The following DRG2 variants were observed in gnomAD, a reference collection of about 807,000 sequenced individuals.
DRG2 encodes the protein developmentally-regulated GTP-binding protein 2.
Under a neutral mutation model 53.4 loss-of-function variants are expected in DRG2, and 36 were observed. That is an observed-to-expected ratio of 0.67 (90% confidence interval 0.52 to 0.89). The LOEUF (loss-of-function observed/expected upper bound fraction) is 0.89. Ranked by LOEUF, DRG2 falls within the 40% of genes least tolerant of loss-of-function variation. The pLI is 0.00. For synonymous variants in DRG2, 167 were observed against 192.1 expected (o/e 0.87, Z 1.08); for missense variants, 342 against 481.2 (o/e 0.71, Z 2.71).
chr17:18,100,313 A>T lies in DRG2; in HGVS notation c.468-50A>T, dbSNP rs757271809. ...ATCCTGCGTAACAGGGAAGCTGTGC[A>T]TCTGGCTCTGTGGACAGCCTGTGAG... On this transcript the variant is annotated intron_variant, in intron 5 of 12. Coordinates refer to ENST00000225729, the MANE Select transcript of DRG2 (RefSeq NM_001388.5). This position sits in a 1 kb window ranked among gnomAD's most constrained non-coding sequence, Gnocchi z 4.1. 2 of 1,591,466 alleles carry T rather than the reference A, an allele frequency of 1.3e-6. No homozygotes were observed. The highest frequency in any genetic ancestry group is 1.7e-6 in the Non-Finnish European group (2 of 1,159,948).
intron 1 of DRG2, among the ~76,000 whole-genome samples, chr17:18,092,620 T>A (rs1488891916): frequency 2.0e-5 from 3 of 152,022 alleles, no homozygotes; most frequent in African/African-American, 7.2e-5. Context: ...ATCAGTAATA[T>A]AACTTGAATT....
chr17:18,103,326 A>G lies in DRG2; in HGVS notation c.807-475A>G, dbSNP rs1467554312. On this transcript the variant is annotated intron_variant, in intron 9 of 12. Transcript: ENST00000225729. The surrounding 1 kb of genome is among the most constrained non-coding windows in gnomAD (Gnocchi z 4.4). ...TAATCCCTCTGCAGTCCTGCGAGGT[A>G]GGGACTGGGTTCATGCCTGTTCTAC... 2.6e-5 allele frequency among the ~76,000 whole-genome samples: 4 copies of G among 152,086 alleles called. No individual in the cohort carries two copies. The highest frequency in any genetic ancestry group is 9.7e-5 in the African/African-American group (4 of 41,432).
chr17:18,094,714 C>T (rs1267399712), intron 2 of DRG2, among the ~76,000 whole-genome samples: 1 of 152,034 alleles, frequency 6.6e-6, no homozygotes, highest in Non-Finnish European at 1.5e-5. Flanking sequence ...GTGGCTCACA[C>T]CTGTAAACCC....
chr17:18,090,406 A>ATATTTTTTT (rs1555532983), intron 1 of DRG2, among the ~76,000 whole-genome samples: 4 of 22,690 alleles, frequency 1.8e-4, no homozygotes, highest in Non-Finnish European at 2.9e-4. Flanking sequence ...ATATATATAT[A>ATATTTTTTT]TTTTTTTTTT....
Position 18,104,600 on chromosome 17 carries a change from G to A in DRG2, c.896-23G>A, listed in dbSNP as rs201351043. ...GTGTGGGCCCTGATGTGTGGCTGAC[G>A]TTCTCCCCATCCTGCCCTGCAGAGA... On this transcript the variant is annotated intron_variant, in intron 10 of 12. Coordinates refer to ENST00000225729, the MANE Select transcript of DRG2 (RefSeq NM_001388.5). The A allele has an allele frequency of 3.8e-5, 61 of 1,613,712 alleles. No homozygotes were observed. The South Asian group carries it at 3.8e-4, about 10-fold the overall frequency.
Position 18,088,046 on chromosome 17 carries a change from C to A in DRG2, c.23C>A (p.Ser8Ter). MGILEKI[S>*]EIEKEIARTQ... The stretch of plus-strand genomic sequence containing the variant: ...ACCATGGGGATCTTAGAGAAGATCT[C>A]GGAGATCGAGAAGGAGATCGCTCGG... The change falls in exon 1 of 13, where the codon TCG becomes TAG. Residue 8 changes from serine (S) to a stop codon, truncating the protein, a stop_gained. Transcript: ENST00000225729. LOFTEE classifies it high-confidence loss of function. 6.5e-7 allele frequency: 1 copy of A among 1,549,860 alleles called. No individual in the cohort carries two copies. Among genetic ancestry groups the A allele is most frequent in the Non-Finnish European group, 8.7e-7 (1 of 1,146,344 alleles).
At position 18,090,395 on chromosome 17, in the gene DRG2, TATATATATATA is replaced by T. The variant is rs1464008813; in HGVS notation, c.64+2309_64+2319del. 4.7e-3 allele frequency among the ~76,000 whole-genome samples: 70 copies of T among 15,020 alleles called. 1 individual carries two copies. The highest frequency in any genetic ancestry group is 0.014 in the African/African-American group (35 of 2,520). 9.9% of individuals were successfully genotyped at this position (15,020 alleles called of 152,430 possible). ...ATATATATATATATATATATATATA[TATATATATATA>T]TTTTTTTTTTTTTTTTTTTTTTTTT... On this transcript the variant is annotated intron_variant, in intron 1 of 12. Transcript: ENST00000225729.
At chr17:18,104,408 A>G (rs1334657143) in intron 10 of DRG2, among the ~76,000 whole-genome samples, 1 of 152,196 alleles carries the variant, frequency 6.6e-6, no homozygotes, top group Non-Finnish European at 1.5e-5. Flanking sequence ...TGTGAATCCT[A>G]GACGTGATTT....
chr17:18,098,819 C>T lies in DRG2; in HGVS notation c.316-198C>T, dbSNP rs948188948. Among the ~76,000 whole-genome samples, 5 of 152,154 alleles carry T rather than the reference C, an allele frequency of 3.3e-5. No individual in the cohort carries two copies. In the East Asian group the frequency reaches 9.6e-4, roughly 29 times the overall value. On this transcript the variant is annotated intron_variant, in intron 3 of 12. Coordinates refer to ENST00000225729, the MANE Select transcript of DRG2 (RefSeq NM_001388.5). This position sits in a 1 kb window ranked among gnomAD's most constrained non-coding sequence, Gnocchi z 4.1. The stretch of plus-strand genomic sequence containing the variant: ...GGGATTGGAAGATCTTGAGCCCTCC[C>T]TAGGCGGCTACTCAGCTCATAGGCT...
At chr17:18,106,361 G>T in intron 11 of DRG2, 72 bp from the exon 12 acceptor site, 1 of 1,564,420 alleles carries the variant, frequency 6.4e-7, no homozygotes, top group Non-Finnish European at 8.8e-7. Context: ...CTGAGCTTTG[G>T]GTGTGCAGCC....
At position 18,103,201 on chromosome 17, in the gene DRG2, C is replaced by G. The variant is rs2045570225; in HGVS notation, c.807-600C>G. On this transcript the variant is annotated intron_variant, in intron 9 of 12. Coordinates refer to ENST00000225729, the MANE Select transcript of DRG2 (RefSeq NM_001388.5). The surrounding 1 kb of genome is among the most constrained non-coding windows in gnomAD (Gnocchi z 4.4). Reference sequence around the variant, plus strand: ...CTTTACCTGCTTGTGCTCAGAATAGCTCTACAGAGGTCAGGACACAGCTCG... The same window carrying G: ...CTTTACCTGCTTGTGCTCAGAATAGGTCTACAGAGGTCAGGACACAGCTCG... 6.6e-6 allele frequency among the ~76,000 whole-genome samples: 1 copy of G among 152,152 alleles called. No homozygotes were observed. The highest frequency in any genetic ancestry group is 2.4e-5 in the African/African-American group (1 of 41,414).
chr17:18,090,383 TATATATATATA>T (rs2045300114), intron 1 of DRG2, among the ~76,000 whole-genome samples: 1 of 34,666 alleles, frequency 2.9e-5, no homozygotes. Context: ...TATATATATA[TATATATATATA>T]TATATATATA....
chr17:18,101,266 C>G (rs2045529695), intron 7 of DRG2, among the ~76,000 whole-genome samples: 1 of 152,232 alleles, frequency 6.6e-6, no homozygotes, highest in Non-Finnish European at 1.5e-5. Context: ...CCCTGCCTAG[C>G]TGTCAAGATT....
intron 9 of DRG2, among the ~76,000 whole-genome samples, chr17:18,102,634 A>T (rs906890566): frequency 6.6e-6 from 1 of 151,838 alleles, no homozygotes; most frequent in Non-Finnish European, 1.5e-5. Flanking sequence ...AAAAAAAAAA[A>T]AAAAAAAGAG....
chr17:18,093,428 T>C (rs1186041862), intron 1 of DRG2, among the ~76,000 whole-genome samples: 1 of 152,006 alleles, frequency 6.6e-6, no homozygotes, highest in Non-Finnish European at 1.5e-5. Flanking sequence ...AAGTGATTCT[T>C]CTGCCTCAGC....
intron 1 of DRG2, among the ~76,000 whole-genome samples, chr17:18,090,368 TTA>T (rs1242491729): frequency 0.023 from 586 of 25,484 alleles, 5 homozygotes; most frequent in Non-Finnish European, 0.034. Context: ...CCGGGCTAAT[TTA>T]TATATATATA....
At chr17:18,104,872 C>T (rs58715129) in intron 11 of DRG2, among the ~76,000 whole-genome samples, 191 bp downstream of exon 11, 1,840 of 152,308 alleles carry the variant, frequency 0.012, 35 homozygotes, top group African/African-American at 0.042. Flanking sequence ...TGCCGAGGCT[C>T]TGACCTCTAC....
intron 2 of DRG2, among the ~76,000 whole-genome samples, chr17:18,094,537 G>C (rs545579741): frequency 6.6e-6 from 1 of 152,288 alleles, no homozygotes; most frequent in Admixed American, 6.5e-5. Flanking sequence ...CAGGCCCTTA[G>C]GCAGGTGCTC....
intron 12 of DRG2, among the ~76,000 whole-genome samples, 171 bp downstream of exon 12, chr17:18,106,657 A>G (rs564300802): frequency 5.2e-4 from 76 of 147,218 alleles, no homozygotes; most frequent in Non-Finnish European, 1.1e-3. Flanking sequence ...CAGGGTAGAC[A>G]TGGGCCTTCC....
Sources: allele counts gnomAD v4.1 joint callset (sites outside exome capture counted in the v4.1 genomes callset), GRCh38; gene constraint gnomAD v4.1.1; non-coding constraint Gnocchi (gnomAD v3.1); transcripts MANE v1.5; gene names NCBI Gene and HGNC (gene_info 2026-07-23, HGNC 2026-07-21).